RAB2A: variants seen among roughly 807,000 people sequenced by gnomAD.
RAB2A encodes the protein ras-related protein Rab-2A.
Under a neutral mutation model 32.5 loss-of-function variants are expected in RAB2A, and 7 were observed. That is an observed-to-expected ratio of 0.22 (90% CI 0.12 to 0.40). The LOEUF (loss-of-function observed/expected upper bound fraction) is 0.40. RAB2A is among the 10% of genes least tolerant of loss of function. RAB2A has a pLI of 1.00. For synonymous variants in RAB2A, 79 were observed against 85.2 expected (o/e 0.93, Z 0.40); for missense variants, 108 against 260.7 (o/e 0.41, Z 4.03).
chr8:60,605,682 T>A (rs1321918263), intron 6 of RAB2A, among the ~76,000 whole-genome samples: 1 of 151,964 alleles, frequency 6.6e-6, no homozygotes, highest in African/African-American at 2.4e-5. Context: ...CCCTGCTGGG[T>A]TTTGAACTTG....
At chr8:60,531,863 C>A (rs1257572581) in intron 1 of RAB2A, among the ~76,000 whole-genome samples, 4 of 147,938 alleles carry the variant, frequency 2.7e-5, no homozygotes, top group Non-Finnish European at 4.4e-5. Flanking sequence ...ACTACAATGG[C>A]GTGATCTTGG....
intron 6 of RAB2A, among the ~76,000 whole-genome samples, chr8:60,611,626 G>T (rs972258535): frequency 6.6e-6 from 1 of 152,152 alleles, no homozygotes; most frequent in East Asian, 1.9e-4. Flanking sequence ...CTTATTAAAT[G>T]GAAGAACTAA....
rs535438754 is a variant in RAB2A, at chr8:60,605,741, T to C, written c.475-12839T>C. On this transcript the variant is annotated intron_variant, in intron 6 of 7. Coordinates refer to ENST00000262646, the MANE Select transcript of RAB2A (RefSeq NM_002865.3). ...TTTGGCCAATTTTTCGTTTTTGGAATGGGAGTATTTACCCAATGCCTGTGT... is the reference window on the plus strand; with the variant it reads ...TTTGGCCAATTTTTCGTTTTTGGAACGGGAGTATTTACCCAATGCCTGTGT... Among the ~76,000 whole-genome samples, 11 of 151,808 alleles carry C rather than the reference T, an allele frequency of 7.2e-5. No homozygotes were observed. The South Asian group carries it at 2.1e-3, about 29-fold the overall frequency.
intron 6 of RAB2A, among the ~76,000 whole-genome samples, chr8:60,613,221 G>A (rs671275): frequency 0.38 from 58,225 of 151,928 alleles, 14,405 homozygotes; most frequent in African/African-American, 0.71. Flanking sequence ...TTCTCTCCTT[G>A]ACTTTGGAGT....
At chr8:60,601,959 G>A (rs1804141610) in intron 6 of RAB2A, among the ~76,000 whole-genome samples, 1 of 152,184 alleles carries the variant, frequency 6.6e-6, no homozygotes, top group African/African-American at 2.4e-5. Flanking sequence ...TTGAACTGTA[G>A]CCTCAACCTC....
intron 3 of RAB2A, among the ~76,000 whole-genome samples, chr8:60,576,981 CA>C (rs1355784333): frequency 6.6e-6 from 1 of 152,114 alleles, no homozygotes; most frequent in Non-Finnish European, 1.5e-5. Flanking sequence ...CTGTGGTCTC[CA>C]GTTTTTCTTA....
chr8:60,538,139 T>C (rs1190622372), intron 1 of RAB2A, among the ~76,000 whole-genome samples: 1 of 152,242 alleles, frequency 6.6e-6, no homozygotes, highest in Non-Finnish European at 1.5e-5. Flanking sequence ...AATACCTCTG[T>C]AACTTATTCC....
At chr8:60,583,377 A>G (rs1803794363) in intron 3 of RAB2A, among the ~76,000 whole-genome samples, 2 of 151,354 alleles carry the variant, frequency 1.3e-5, no homozygotes, top group Admixed American at 1.3e-4. Context: ...CAGAACAGTC[A>G]CATTCCTCCC....
rs1030208699 is a variant in RAB2A, at chr8:60,621,497, C to CA, written c.*730dup. 3 of 152,072 alleles carry CA rather than the reference C, an allele frequency of 2.0e-5. No individual in the cohort carries two copies. The highest frequency in any genetic ancestry group is 7.2e-5 in the African/African-American group (3 of 41,394). 9.4% of individuals were successfully genotyped at this position (152,072 alleles called of 1,614,324 possible). A position where few individuals can be genotyped will look rare whatever the true frequency, so the allele number is the denominator to read the frequency against. ...TAATGCCAAAAGTTTGCTTTGTCCA[C>CA]AATTTCCTTAAGACCTCTTCAGAAA... On this transcript the variant is annotated 3_prime_UTR_variant, in exon 8 of 8. Transcript: ENST00000262646.
intron 2 of RAB2A, among the ~76,000 whole-genome samples, chr8:60,565,194 G>A (rs1808085742): frequency 6.6e-6 from 1 of 152,172 alleles, no homozygotes; most frequent in South Asian, 2.1e-4. Context: ...AGAGGCAAGA[G>A]GATCGCTTGA....
Position 60,584,763 on chromosome 8 carries a change from G to C in RAB2A, c.310G>C (p.Ala104Pro). 1 of 1,613,628 alleles carries C rather than the reference G, an allele frequency of 6.2e-7. No individual in the cohort carries two copies. Among genetic ancestry groups the C allele is most frequent in the Non-Finnish European group, 8.5e-7 (1 of 1,179,748 alleles). Reference protein sequence around the residue: ...FNHLTTWLEDARQHSNSNMVI... With the variant: ...FNHLTTWLEDPRQHSNSNMVI... ...CCACTTGACAACCTGGTTAGAAGAT[G>C]CCCGCCAGCATTCCAATTCCAACAT... is the stretch of plus-strand genomic sequence containing the variant. Residue 104 changes from alanine (A) to proline (P), a missense_variant, in exon 5 of 8, where the codon GCC becomes CCC. Around this residue, in one of 4 missense-constraint regions of RAB2A, gnomAD observed 79 missense variants for 199.8 expected, o/e 0.40. Coordinates refer to ENST00000262646, the MANE Select transcript of RAB2A (RefSeq NM_002865.3).
At chr8:60,568,702 G>A (rs1234688681) in intron 2 of RAB2A, among the ~76,000 whole-genome samples, 2 of 152,298 alleles carry the variant, frequency 1.3e-5, no homozygotes, top group East Asian at 3.9e-4. Context: ...TTTGATTGTG[G>A]AAGGTTGGAA....
At chr8:60,527,947 A>G (rs952276677) in intron 1 of RAB2A, among the ~76,000 whole-genome samples, 9 of 152,344 alleles carry the variant, frequency 5.9e-5, no homozygotes, top group African/African-American at 2.2e-4. Flanking sequence ...GACACTGGTT[A>G]TCACATACAG....
chr8:60,617,530 CATG>C (rs1158395054), intron 6 of RAB2A, among the ~76,000 whole-genome samples: 2 of 152,062 alleles, frequency 1.3e-5, no homozygotes, highest in Non-Finnish European at 2.9e-5. Flanking sequence ...CTCTCATGGT[CATG>C]ATGTTTTCTT....
intron 1 of RAB2A, among the ~76,000 whole-genome samples, chr8:60,548,716 C>T (rs1807788705): frequency 7.3e-6 from 1 of 137,724 alleles, no homozygotes; most frequent in Non-Finnish European, 1.6e-5. Flanking sequence ...GTAGGGGCAG[C>T]CGGGCAGAGG....
rs903972596 is a variant in RAB2A, at chr8:60,517,063, C to T, written c.-145C>T. On this transcript the variant is annotated 5_prime_UTR_variant, in exon 1 of 8. Coordinates refer to ENST00000262646, the MANE Select transcript of RAB2A (RefSeq NM_002865.3). ...CAGTTCGTCCGGCTTCCTCACAGCC[C>T]CTCACTCCCGGCGGCTGACAGCAGC... 3.9e-6 allele frequency: 3 copies of T among 761,406 alleles called. No individual in the cohort carries two copies. The highest frequency in any genetic ancestry group is 5.9e-6 in the Non-Finnish European group (3 of 509,376). The allele number at this position is 761,406 out of a possible 1,614,324, so 47.2% of individuals were successfully genotyped here.
rs546841999 is a variant in RAB2A at position 60,590,261 on chromosome 8, ATTG to A, written c.363-1594_363-1592del. On this transcript the variant is annotated intron_variant, in intron 5 of 7. Coordinates refer to ENST00000262646, the MANE Select transcript of RAB2A (RefSeq NM_002865.3). ...AGGTGTGAGCCACCGCACCCGGCCT[ATTG>A]TTTCTTTTTTTAAAAAAAAATTCTG... Among the ~76,000 whole-genome samples, 744 of 151,930 alleles carry A rather than the reference ATTG, an allele frequency of 4.9e-3. 6 individuals are homozygous for A. The highest frequency in any genetic ancestry group is 0.017 in the African/African-American group (691 of 41,442).
intron 1 of RAB2A, among the ~76,000 whole-genome samples, chr8:60,535,819 TG>T (rs1807547847): frequency 6.6e-6 from 1 of 152,168 alleles, no homozygotes; most frequent in African/African-American, 2.4e-5. Context: ...GTAGCCACCA[TG>T]TATTGTCTCT....
At chr8:60,597,090 A>C (rs1352148604) in intron 6 of RAB2A, among the ~76,000 whole-genome samples, 1 of 152,198 alleles carries the variant, frequency 6.6e-6, no homozygotes, top group Non-Finnish European at 1.5e-5. Flanking sequence ...CAATCCCATT[A>C]CTGAGTATAT....
Sources: allele counts gnomAD v4.1 joint callset (sites outside exome capture counted in the v4.1 genomes callset), GRCh38; gene constraint gnomAD v4.1.1; regional missense constraint gnomAD v4.1.1; transcripts MANE v1.5; gene names NCBI Gene and HGNC (gene_info 2026-07-23, HGNC 2026-07-21).